ELN: variants seen among roughly 807,000 people sequenced by gnomAD.
The protein encoded by ELN is tropoelastin.
Under a neutral mutation model 105.8 loss-of-function variants are expected in ELN, and 65 were observed. That is an observed-to-expected ratio of 0.61 (90% CI 0.50 to 0.75). ELN has a LOEUF of 0.75. ELN is among the 30% of genes least tolerant of loss of function. The pLI, the probability that ELN is intolerant of heterozygous loss-of-function variation, is 0.00. For missense variants in ELN, 882 were observed against 969.4 expected (o/e 0.91, Z 1.20); for synonymous variants, 368 against 389.2 (o/e 0.95, Z 0.64).
intron 29 of ELN, among the ~76,000 whole-genome samples, chr7:74,064,058 G>A (rs1554687220): frequency 6.6e-6 from 1 of 151,450 alleles, no homozygotes; most frequent in African/African-American, 2.4e-5. Flanking sequence ...AGCTGAGATG[G>A]TACCACTGCA....
At chr7:74,065,515 GAGGC>G (rs1198880414) in intron 29 of ELN, among the ~76,000 whole-genome samples, 175 bp from the exon 30 acceptor site, 2 of 151,776 alleles carry the variant, frequency 1.3e-5, no homozygotes, top group Non-Finnish European at 2.9e-5. Flanking sequence ...TCAGGAGGCT[GAGGC>G]AGGAGAACCG....
intron 15 of ELN, among the ~76,000 whole-genome samples, chr7:74,049,692 C>T (rs1793467498): frequency 6.6e-6 from 1 of 151,414 alleles, no homozygotes; most frequent in African/African-American, 2.4e-5. Context: ...ATTCATCCTT[C>T]CATCCATCCA....
In ELN at chr7:74,068,684, G is replaced by A; in HGVS notation, c.2159G>A (p.Gly720Asp). The A allele has an allele frequency of 6.2e-7, 1 of 1,614,118 alleles. No individual in the cohort carries two copies. The highest frequency in any genetic ancestry group is 8.5e-7 in the Non-Finnish European group (1 of 1,179,998). The part of the protein sequence containing the change: ...PGGACLGKAC[G>D]RKRK The stretch of plus-strand genomic sequence containing the variant: ...GGGGCCTGCCTGGGGAAAGCTTGTG[G>A]CCGGAAGAGAAAATGAGCTTCCTAG... The change falls in exon 33 of 33, where the codon GGC becomes GAC. Residue 720 changes from glycine (G) to aspartate (D), a missense_variant. By Grantham distance (94) the Gly-to-Asp change is moderately conservative. Coordinates refer to ENST00000252034, the MANE Select transcript of ELN (RefSeq NM_000501.4).
chr7:74,032,060 T>A (rs566966224), intron 1 of ELN, among the ~76,000 whole-genome samples: 5 of 152,010 alleles, frequency 3.3e-5, no homozygotes, highest in African/African-American at 1.2e-4. Context: ...GAGGTGGTGA[T>A]TTTCCCATCA....
At chr7:74,042,516 A>C (rs532597122) in intron 5 of ELN, 98 bp from the exon 6 acceptor site, 1 of 1,016,622 alleles carries the variant, frequency 9.8e-7, no homozygotes, top group African/African-American at 1.6e-5. Context: ...AGAGCCTCCA[A>C]TGTGCTTCCT....
chr7:74,060,482 T>C lies in ELN; in HGVS notation c.1728T>C (p.Gly576=). The change falls in exon 25 of 33, where the codon GGT becomes GGC. Residue 576 remains glycine (G), a synonymous_variant. Transcript: ENST00000252034. The part of the protein sequence containing the change: ...AGVPGLGVGA[G]VPGFGAVPGA... ...TTCCTGGACTTGGAGTTGGTGCTGG[T>C]GTTCCTGGCTTCGGGGCAGGTGCAG... 1 of 1,614,228 alleles carries C rather than the reference T, an allele frequency of 6.2e-7. No homozygotes were observed. The highest frequency in any genetic ancestry group is 2.2e-5 in the East Asian group (1 of 44,886).
At chr7:74,045,476 C>T (rs1027962730) in intron 10 of ELN, among the ~76,000 whole-genome samples, 183 bp downstream of exon 10, 1 of 152,210 alleles carries the variant, frequency 6.6e-6, no homozygotes, top group African/African-American at 2.4e-5. Flanking sequence ...CACTGGCTCA[C>T]ACCTGTAATC....
chr7:74,031,367 A>T (rs1333434335), intron 1 of ELN, among the ~76,000 whole-genome samples: 3 of 152,232 alleles, frequency 2.0e-5, no homozygotes, highest in Non-Finnish European at 4.4e-5. Flanking sequence ...GGGCATTTTT[A>T]AAATAATCTA....
chr7:74,040,977 C>G (rs541316164), intron 4 of ELN, among the ~76,000 whole-genome samples: 20 of 152,310 alleles, frequency 1.3e-4, no homozygotes, highest in African/African-American at 4.6e-4. Context: ...AGGAGAAGCA[C>G]AGGCCTGGCC....
Position 74,063,393 on chromosome 7 carries a change from G to A in ELN, c.1918+24G>A, listed in dbSNP as rs1554686532. 1 of 1,543,920 alleles carries A rather than the reference G, an allele frequency of 6.5e-7. No homozygotes were observed. The highest frequency in any genetic ancestry group is 2.4e-5 in the East Asian group (1 of 40,938). On this transcript the variant is annotated intron_variant, in intron 28 of 32. Transcript: ENST00000252034. This position sits in a 1 kb window ranked among gnomAD's most constrained non-coding sequence, Gnocchi z 4.1. ...TGGTGAGCACTGGGTGGAGGTGGGA[G>A]CTGCCGCCAGGCCCCCAGGCCCCCA...
chr7:74,037,997 T>G, intron 4 of ELN: 1 of 513,794 alleles, frequency 1.9e-6, no homozygotes, highest in South Asian at 2.0e-5. Flanking sequence ...CTACCCTACA[T>G]GTGCATGTGT....
At chr7:74,045,338 A>G in intron 10 of ELN, 45 bp downstream of exon 10, 2 of 1,608,576 alleles carry the variant, frequency 1.2e-6, no homozygotes, top group Non-Finnish European at 1.7e-6. Context: ...GGACTCTCCA[A>G]CCACCTTCTG....
intron 1 of ELN, among the ~76,000 whole-genome samples, chr7:74,033,854 G>A (rs1468013034): frequency 6.6e-6 from 1 of 152,218 alleles, no homozygotes; most frequent in Admixed American, 6.5e-5. Flanking sequence ...GGGAGGGCTG[G>A]GCTGGGGCGT....
chr7:74,028,175 A>T lies in ELN; in HGVS notation c.-13A>T. ...CGAGGTGCGGAGAGCGGGCTGGGGC[A>T]TTTCTCCCCGAGATGGCGGGTCTGA... On this transcript the variant is annotated 5_prime_UTR_variant, in exon 1 of 33. Transcript: ENST00000252034. The T allele has an allele frequency of 6.3e-7, 1 of 1,589,492 alleles. No homozygotes were observed. Among genetic ancestry groups the T allele is most frequent in the Non-Finnish European group, 8.6e-7 (1 of 1,165,980 alleles).
At chr7:74,031,810 A>G (rs1354024195) in intron 1 of ELN, among the ~76,000 whole-genome samples, 7 of 151,088 alleles carry the variant, frequency 4.6e-5, no homozygotes, top group African/African-American at 1.2e-4. Flanking sequence ...AGAGAGAGAG[A>G]GAGAGAAAGG....
At chr7:74,064,338 C>T (rs1205586547) in intron 29 of ELN, among the ~76,000 whole-genome samples, 7 of 151,296 alleles carry the variant, frequency 4.6e-5, no homozygotes, top group Non-Finnish European at 1.0e-4. Context: ...TGGCGTGAAC[C>T]TGGGAGGCGG....
intron 4 of ELN, among the ~76,000 whole-genome samples, chr7:74,038,263 C>T (rs1382177639): frequency 3.3e-5 from 5 of 152,224 alleles, no homozygotes; most frequent in African/African-American, 1.2e-4. Context: ...CAAGCCAAAG[C>T]TTAACCCCAG....
At chr7:74,067,218 A>G (rs1798141885) in intron 32 of ELN, among the ~76,000 whole-genome samples, 1 of 151,946 alleles carries the variant, frequency 6.6e-6, no homozygotes, top group African/African-American at 2.4e-5. Flanking sequence ...CAGGAGATGG[A>G]AACCATCCTG....
intron 15 of ELN, 53 bp downstream of exon 15, chr7:74,048,609 A>G (rs1554674079): frequency 6.2e-7 from 1 of 1,609,030 alleles, no homozygotes; most frequent in African/African-American, 1.3e-5. Flanking sequence ...TAGCCTCTCC[A>G]TTCCCATTAC....
Sources: allele counts gnomAD v4.1 joint callset (sites outside exome capture counted in the v4.1 genomes callset), GRCh38; gene constraint gnomAD v4.1.1; non-coding constraint Gnocchi (gnomAD v3.1); transcripts MANE v1.5; gene names NCBI Gene and HGNC (gene_info 2026-07-23, HGNC 2026-07-21).